CMC1: variants seen among roughly 807,000 people sequenced by gnomAD.
CMC1 encodes COX assembly mitochondrial protein homolog.
In CMC1, 14 loss-of-function variants were observed where a neutral mutation model predicts 14.1. That is an observed-to-expected ratio of 0.99 (90% CI 0.66 to 1.55). The LOEUF (loss-of-function observed/expected upper bound fraction) is 1.55. Ranked by LOEUF, CMC1 falls within the 40% of genes most tolerant of loss-of-function variation. The pLI is 0.00. For missense variants in CMC1, 127 were observed against 123.8 expected (o/e 1.03, Z -0.12); for synonymous variants, 50 against 38.4 (o/e 1.30, Z -1.12).
intron 1 of CMC1, among the ~76,000 whole-genome samples, chr3:28,261,619 C>T (rs1699739144): frequency 6.6e-6 from 1 of 152,108 alleles, no homozygotes; most frequent in African/African-American, 2.4e-5. Context: ...CCAGAGCCAC[C>T]GGAACTTTGA....
At chr3:28,299,628 G>A (rs1050677468) in intron 2 of CMC1, among the ~76,000 whole-genome samples, 8 of 152,006 alleles carry the variant, frequency 5.3e-5, no homozygotes, top group African/African-American at 1.9e-4. Context: ...TAATAATTTT[G>A]TCATAAGATG....
At chr3:28,260,382 A>ATT (rs964225196) in intron 1 of CMC1, among the ~76,000 whole-genome samples, 8 of 151,960 alleles carry the variant, frequency 5.3e-5, no homozygotes, top group African/African-American at 1.9e-4. Context: ...TTTTAAAGGA[A>ATT]TTTATTCATT....
At chr3:28,289,204 T>C (rs1349560726) in intron 2 of CMC1, among the ~76,000 whole-genome samples, 1 of 151,928 alleles carries the variant, frequency 6.6e-6, no homozygotes, top group Non-Finnish European at 1.5e-5. Context: ...ATGAGTGCTC[T>C]AAAAATTCTG....
At chr3:28,285,407 T>C (rs1701120219) in intron 2 of CMC1, among the ~76,000 whole-genome samples, 1 of 151,598 alleles carries the variant, frequency 6.6e-6, no homozygotes, top group African/African-American at 2.4e-5. Context: ...CTTATTTGGG[T>C]TAAAAAAAAA....
At chr3:28,283,551 C>CA (rs5847510) in intron 2 of CMC1, among the ~76,000 whole-genome samples, 27,652 of 117,982 alleles carry the variant, frequency 0.23, 2,627 homozygotes, top group Admixed American at 0.3. Context: ...ACAACAAAAA[C>CA]AAAAAAAAAA....
intron 2 of CMC1, among the ~76,000 whole-genome samples, chr3:28,266,070 CTATATTCTTACTAGTTCTGTCTTCATTT>C (rs1487264758): frequency 1.3e-5 from 2 of 152,098 alleles, no homozygotes; most frequent in Non-Finnish European, 2.9e-5. Context: ...AGCCAGGTTG[CTATATTCTTACTAGTTCTGTCTTCATTT>C]TAATTTTTTA....
intron 2 of CMC1, among the ~76,000 whole-genome samples, chr3:28,309,717 A>C (rs1702521440): frequency 1.3e-5 from 2 of 151,718 alleles, no homozygotes; most frequent in African/African-American, 4.8e-5. Flanking sequence ...CACTGTGCAA[A>C]CCCTTTTGAG....
intron 1 of CMC1, 79 bp from the exon 2 acceptor site, chr3:28,263,212 A>G (rs1055899798): frequency 1.0e-6 from 1 of 980,706 alleles, no homozygotes; most frequent in African/African-American, 1.7e-5. Context: ...TTTTATTTTA[A>G]GTAAACCAGA....
chr3:28,242,245 C>T (rs13090296), intron 1 of CMC1, among the ~76,000 whole-genome samples: 30,038 of 152,132 alleles, frequency 0.2, 3,298 homozygotes, highest in Middle Eastern at 0.28. Flanking sequence ...AAACATATTT[C>T]AAAGGATCCA....
rs1446736835 is a variant in CMC1 at position 28,300,605 on chromosome 3, TCCTTCCTC to T, written c.110-15724_110-15717del. ...ATGATTTCTATCTCTCTTCCTTCCT[TCCTTCCTC>T]CCTCCCTCCCTCCCTCCATCCCTTT... On this transcript the variant is annotated intron_variant, in intron 2 of 3. Transcript: ENST00000466830. Among the ~76,000 whole-genome samples the T allele has an allele frequency of 3.5e-3, 505 of 142,556 alleles. 8 individuals carry two copies. The highest frequency in any genetic ancestry group is 0.027 in the Admixed American group (381 of 14,292). The allele number at this position is 142,556 out of a possible 152,430, so 93.5% of individuals were successfully genotyped here. A position where few individuals can be genotyped will look rare whatever the true frequency, so the allele number is the denominator to read the frequency against.
chr3:28,324,971 G>A lies in CMC1; in HGVS notation c.*5342G>A, dbSNP rs1476348960. 1 of 150,748 alleles carries A rather than the reference G, an allele frequency of 6.6e-6. No homozygotes were observed. Among genetic ancestry groups the A allele is most frequent in the Non-Finnish European group, 1.5e-5 (1 of 67,272 alleles). 9.3% of individuals were successfully genotyped at this position (150,748 alleles called of 1,614,324 possible). On this transcript the variant is annotated 3_prime_UTR_variant, in exon 4 of 4. Transcript: ENST00000466830. Reference sequence around the variant, plus strand: ...AGGCAGTCCAAAAGCAAATTTTTTAGAAATAATTGCATTTTTAATTGGTGA... The same window carrying A: ...AGGCAGTCCAAAAGCAAATTTTTTAAAAATAATTGCATTTTTAATTGGTGA...
chr3:28,258,214 A>G (rs1414846525), intron 1 of CMC1, among the ~76,000 whole-genome samples: 1 of 151,224 alleles, frequency 6.6e-6, no homozygotes, highest in Admixed American at 6.6e-5. Context: ...TGTTATATAT[A>G]TATGAAATAA....
intron 1 of CMC1, among the ~76,000 whole-genome samples, chr3:28,261,606 A>T (rs796371144): frequency 2.6e-5 from 4 of 152,324 alleles, no homozygotes; most frequent in African/African-American, 9.6e-5. Flanking sequence ...TTTAAAATGC[A>T]CACCAGAGCC....
In CMC1 at chr3:28,319,538, G is replaced by A. The variant is rs140589633; in HGVS notation, c.230G>A (p.Cys77Tyr). ...AATGATCCAGCCTTTTATGAAGAAT[G>A]CAAAATGGAATACCTGAAGGAAAGG... ...YYNDPAFYEE[C>Y]KMEYLKEREE... Residue 77 changes from cysteine to tyrosine, a missense_variant, in exon 4 of 4, where the codon TGC (cysteine) becomes TAC (tyrosine). Transcript: ENST00000466830. 4.4e-6 allele frequency: 7 copies of A among 1,605,174 alleles called. No homozygotes were observed. Among genetic ancestry groups the A allele is most frequent in the Non-Finnish European group, 6.0e-6 (7 of 1,174,336 alleles).
chr3:28,281,638 T>TA (rs1328818624), intron 2 of CMC1, among the ~76,000 whole-genome samples: 1 of 152,176 alleles, frequency 6.6e-6, no homozygotes, highest in African/African-American at 2.4e-5. Context: ...GTGTGGTTGA[T>TA]AAGAGACAAA....
At chr3:28,264,987 G>A (rs766641548) in intron 2 of CMC1, among the ~76,000 whole-genome samples, 26 of 152,090 alleles carry the variant, frequency 1.7e-4, no homozygotes, top group Non-Finnish European at 3.2e-4. Flanking sequence ...TGAAAGCGTA[G>A]AGTATAACTT....
At chr3:28,301,118 C>T (rs954682333) in intron 2 of CMC1, among the ~76,000 whole-genome samples, 1 of 152,030 alleles carries the variant, frequency 6.6e-6, no homozygotes, top group Admixed American at 6.6e-5. Flanking sequence ...CACCAAAAGC[C>T]ACATTCATAT....
intron 2 of CMC1, among the ~76,000 whole-genome samples, chr3:28,299,788 C>A (rs1207907207): frequency 6.6e-6 from 1 of 151,824 alleles, no homozygotes; most frequent in Non-Finnish European, 1.5e-5. Flanking sequence ...AGAAAGTGAG[C>A]AATTCAGAAG....
At chr3:28,287,071 G>C (rs998205833) in intron 2 of CMC1, among the ~76,000 whole-genome samples, 3 of 152,026 alleles carry the variant, frequency 2.0e-5, no homozygotes, top group Non-Finnish European at 4.4e-5. Context: ...GTATTATTTG[G>C]TGACCAATTC....
Sources: gnomAD v4.1 joint callset for allele counts (sites outside exome capture counted in the v4.1 genomes callset) on GRCh38, gnomAD v4.1.1 for gene constraint, MANE v1.5 for transcripts, NCBI Gene and HGNC (gene_info 2026-07-23, HGNC 2026-07-21) for gene names.